CNBD1: variants seen among roughly 807,000 people sequenced by gnomAD.
The protein encoded by CNBD1 is cyclic nucleotide-binding domain-containing protein 1.
A neutral mutation model predicts 54.4 loss-of-function variants in CNBD1; 71 were observed. The observed-to-expected ratio is 1.30, with a 90% CI of 1.08 to 1.59. CNBD1 has a LOEUF of 1.59. Ranked by LOEUF, CNBD1 falls within the 40% of genes most tolerant of loss-of-function variation. The pLI is 0.00. For missense variants in CNBD1, 659 were observed against 518.0 expected (o/e 1.27, Z -2.64); for synonymous variants, 182 against 170.7 (o/e 1.07, Z -0.51).
intron 4 of CNBD1, among the ~76,000 whole-genome samples, chr8:87,012,381 C>T (rs1443441979): frequency 3.3e-5 from 5 of 152,072 alleles, no homozygotes; most frequent in Admixed American, 3.3e-4. Context: ...TTTTATTTAA[C>T]CCTATATATT....
intron 4 of CNBD1, among the ~76,000 whole-genome samples, chr8:86,997,937 T>C (rs1266013148): frequency 6.6e-6 from 1 of 152,158 alleles, no homozygotes; most frequent in Non-Finnish European, 1.5e-5. Context: ...TAGTTTAACG[T>C]TCCTTGTTAA....
intron 8 of CNBD1, among the ~76,000 whole-genome samples, chr8:87,337,127 G>T (rs1017176382): frequency 6.6e-6 from 1 of 152,108 alleles, no homozygotes; most frequent in South Asian, 2.1e-4. Flanking sequence ...CAGTAGGAAT[G>T]CTTCTGTATA....
Position 87,131,829 on chromosome 8 carries a change from T to C in CNBD1, c.432-74164T>C, listed in dbSNP as rs568564684. Among the ~76,000 whole-genome samples, 3 of 152,170 alleles carry C rather than the reference T, an allele frequency of 2.0e-5. No homozygotes were observed. The South Asian group carries it at 6.2e-4, about 32-fold the overall frequency. ...ACTTCTGATGCTCTTATTTTCTCTA[T>C]AAGACCTGAGATTTCATTTGGTATC... On this transcript the variant is annotated intron_variant, in intron 4 of 10. Coordinates refer to ENST00000518476, the MANE Select transcript of CNBD1 (RefSeq NM_173538.3).
intron 6 of CNBD1, among the ~76,000 whole-genome samples, chr8:87,244,195 G>A (rs892650282): frequency 2.0e-5 from 3 of 152,238 alleles, no homozygotes; most frequent in South Asian, 2.1e-4. Context: ...ACAACCTGAA[G>A]TAGGGAGGGG....
intron 1 of CNBD1, among the ~76,000 whole-genome samples, chr8:86,868,758 C>T (rs570747314): frequency 6.6e-6 from 1 of 152,208 alleles, no homozygotes; most frequent in East Asian, 1.9e-4. Flanking sequence ...ACAGAATTAA[C>T]GGTCCCAGTG....
At position 87,266,366 on chromosome 8, in the gene CNBD1, G is replaced by A. The variant is rs372101540; in HGVS notation, c.772-18312G>A. ...CTATAATAATTAATACTGGGCACTAGCGACTGATAGGTAAGCACACTGATA... is the reference window on the plus strand; with the variant it reads ...CTATAATAATTAATACTGGGCACTAACGACTGATAGGTAAGCACACTGATA... On this transcript the variant is annotated intron_variant, in intron 6 of 10. Coordinates refer to ENST00000518476, the MANE Select transcript of CNBD1 (RefSeq NM_173538.3). 1.1e-4 allele frequency among the ~76,000 whole-genome samples: 15 copies of A among 142,530 alleles called. No homozygotes were observed. The East Asian group carries it at 2.2e-3, about 21-fold the overall frequency. 93.5% of individuals were successfully genotyped at this position (142,530 alleles called of 152,430 possible).
chr8:86,889,874 A>G (rs1808739837), intron 2 of CNBD1, among the ~76,000 whole-genome samples: 1 of 152,288 alleles, frequency 6.6e-6, no homozygotes, highest in South Asian at 2.1e-4. Flanking sequence ...ATTCAAAAAA[A>G]TGTACAAGAG....
At chr8:87,087,262 C>T (rs1274423105) in intron 4 of CNBD1, among the ~76,000 whole-genome samples, 6 of 135,104 alleles carry the variant, frequency 4.4e-5, no homozygotes, top group South Asian at 2.3e-4. Context: ...TATATATATA[C>T]ATATATATAT....
intron 4 of CNBD1, among the ~76,000 whole-genome samples, chr8:87,120,701 TA>T (rs1305736239): frequency 6.6e-6 from 1 of 151,984 alleles, no homozygotes; most frequent in East Asian, 1.9e-4. Flanking sequence ...TTTATTGCTA[TA>T]AACTTCCCTG....
chr8:87,117,479 TACTAGTTATTG>T (rs1214063807), intron 4 of CNBD1, among the ~76,000 whole-genome samples: 2 of 107,144 alleles, frequency 1.9e-5, no homozygotes, highest in East Asian at 2.7e-4. Context: ...GAGAGACACT[TACTAGTTATTG>T]ACTACAAAAG....
chr8:87,041,354 G>T (rs1164447393), intron 4 of CNBD1, among the ~76,000 whole-genome samples: 1 of 152,054 alleles, frequency 6.6e-6, no homozygotes, highest in Non-Finnish European at 1.5e-5. Context: ...CAGAACTAAG[G>T]GAATAGCCAG....
chr8:87,359,383 T>C (rs36093213), intron 10 of CNBD1, among the ~76,000 whole-genome samples: 47 of 152,220 alleles, frequency 3.1e-4, no homozygotes, highest in Non-Finnish European at 6.2e-4. Context: ...ATTCTCTAAA[T>C]AGAAATGTGC....
At chr8:87,219,922 T>A (rs2130807867) in intron 5 of CNBD1, among the ~76,000 whole-genome samples, 1 of 152,090 alleles carries the variant, frequency 6.6e-6, no homozygotes, top group East Asian at 1.9e-4. Context: ...TCATATATTT[T>A]ACAAGTCTAA....
At chr8:87,304,239 A>G (rs1809088550) in intron 8 of CNBD1, among the ~76,000 whole-genome samples, 1 of 151,794 alleles carries the variant, frequency 6.6e-6, no homozygotes, top group African/African-American at 2.4e-5. Context: ...ACAAACCCAA[A>G]TGTCCAACAA....
chr8:87,130,776 CAAA>C (rs1178214720), intron 4 of CNBD1, among the ~76,000 whole-genome samples: 7 of 99,348 alleles, frequency 7.0e-5, no homozygotes, highest in Admixed American at 1.1e-4. Flanking sequence ...GATCCTGTCT[CAAA>C]AAAAAAAAAA....
intron 8 of CNBD1, among the ~76,000 whole-genome samples, chr8:87,320,311 T>C (rs2130898577): frequency 6.6e-6 from 1 of 152,250 alleles, no homozygotes; most frequent in Middle Eastern, 3.4e-3. Context: ...CATTAAGTGA[T>C]TTACTTTTGT....
chr8:87,396,516 T>C (rs1009355679), intron 2 of CNBD1, among the ~76,000 whole-genome samples: 10 of 151,892 alleles, frequency 6.6e-5, no homozygotes, highest in African/African-American at 2.2e-4. Flanking sequence ...GGCACAGATA[T>C]TTACCAGGAA....
At chr8:86,944,102 G>A (rs1272460731) in intron 4 of CNBD1, among the ~76,000 whole-genome samples, 1 of 152,140 alleles carries the variant, frequency 6.6e-6, no homozygotes, top group Non-Finnish European at 1.5e-5. Flanking sequence ...ACATGCAATT[G>A]GCAAAGGGGC....
intron 1 of CNBD1, among the ~76,000 whole-genome samples, chr8:86,871,451 T>G (rs1808442414): frequency 6.6e-6 from 1 of 152,244 alleles, no homozygotes; most frequent in Non-Finnish European, 1.5e-5. Flanking sequence ...TTTTGATAAC[T>G]TTAACTCTAC....
Sources: gnomAD v4.1 joint callset for allele counts (sites outside exome capture counted in the v4.1 genomes callset) on GRCh38, gnomAD v4.1.1 for gene constraint, MANE v1.5 for transcripts, NCBI Gene and HGNC (gene_info 2026-07-23, HGNC 2026-07-21) for gene names.